The following MBNL1 variants were observed in gnomAD, a reference collection of about 807,000 sequenced individuals.
MBNL1 encodes muscleblind like splicing regulator 1.
MBNL1 carries 8 observed loss-of-function variants against 42.2 expected under a neutral mutation model. The ratio of observed to expected loss-of-function variants is 0.19; its 90% CI spans 0.11 to 0.34. MBNL1 has a LOEUF of 0.34. MBNL1 is among the 10% of genes least tolerant of loss of function. MBNL1 has a pLI of 1.00. For synonymous variants in MBNL1, 169 were observed against 173.9 expected, an observed-to-expected ratio of 0.97 and a Z score of 0.22; for missense variants, 309 against 495.3, an observed-to-expected ratio of 0.62 and a Z score of 3.57.
At chr3:152,356,856 A>AGAGTGTGTGTGT (rs1553865141) in intron 2 of MBNL1, among the ~76,000 whole-genome samples, 1 of 149,382 alleles carries the variant, frequency 6.7e-6, no homozygotes, top group Non-Finnish European at 1.5e-5. Flanking sequence ...ATATGTGTGT[A>AGAGTGTGTGTGT]GTGTGTGTGT....
chr3:152,372,427 C>T (rs540110022), intron 2 of MBNL1, among the ~76,000 whole-genome samples: 13 of 152,292 alleles, frequency 8.5e-5, no homozygotes, highest in African/African-American at 2.6e-4. Flanking sequence ...CCTCATCTCC[C>T]TGGATTTATC....
chr3:152,419,409 G>T (rs944931847), intron 3 of MBNL1, among the ~76,000 whole-genome samples: 3 of 152,132 alleles, frequency 2.0e-5, no homozygotes, highest in Admixed American at 2.0e-4. Context: ...TAGACAGTTG[G>T]TGCAGCCCAC....
chr3:152,297,344 G>GTTTTT (rs1201662855), intron 1 of MBNL1, among the ~76,000 whole-genome samples: 1 of 124,370 alleles, frequency 8.0e-6, no homozygotes, highest in Admixed American at 8.2e-5. Flanking sequence ...TGGGGATGAG[G>GTTTTT]TTTTTTTTTT....
At chr3:152,296,908 G>A (rs1341376253) in intron 1 of MBNL1, among the ~76,000 whole-genome samples, 3 of 152,114 alleles carry the variant, frequency 2.0e-5, no homozygotes, top group African/African-American at 7.2e-5. Context: ...TATTTTTTCT[G>A]TCCTTAAAAA....
intron 2 of MBNL1, among the ~76,000 whole-genome samples, chr3:152,376,215 C>A (rs947251560): frequency 5.9e-5 from 9 of 152,044 alleles, no homozygotes; most frequent in African/African-American, 9.7e-5. Flanking sequence ...GAAATAGTTT[C>A]TATTTATGAT....
intron 9 of MBNL1, among the ~76,000 whole-genome samples, chr3:152,459,691 G>A (rs542433761): frequency 3.9e-5 from 6 of 152,072 alleles, no homozygotes; most frequent in East Asian, 1.9e-4. Context: ...TGTGTGGGCC[G>A]TATCGTTTCT....
chr3:152,312,116 C>T (rs1412922876), intron 2 of MBNL1, among the ~76,000 whole-genome samples: 5 of 143,838 alleles, frequency 3.5e-5, no homozygotes, highest in Non-Finnish European at 7.5e-5. Context: ...GGCGTGAACC[C>T]GGGAGGCGGA....
At chr3:152,360,360 A>G (rs1424438511) in intron 2 of MBNL1, among the ~76,000 whole-genome samples, 7 of 152,174 alleles carry the variant, frequency 4.6e-5, no homozygotes, top group Non-Finnish European at 1.0e-4. Flanking sequence ...TACCCGTTTA[A>G]TAATTATCTT....
chr3:152,265,221 A>G (rs973712268), upstream of MBNL1: 3 of 152,220 alleles, frequency 2.0e-5, no homozygotes, highest in Non-Finnish European at 1.5e-5. Flanking sequence ...TCTTCTCTTG[A>G]CCATCTATAT....
intron 3 of MBNL1, among the ~76,000 whole-genome samples, chr3:152,429,822 C>G (rs1324844891): frequency 6.6e-6 from 1 of 151,858 alleles, no homozygotes; most frequent in Admixed American, 6.6e-5. Flanking sequence ...GTCTGTCTGT[C>G]TGTCTGTCTT....
intron 2 of MBNL1, among the ~76,000 whole-genome samples, chr3:152,327,163 A>G (rs1430715272): frequency 6.6e-6 from 1 of 151,938 alleles, no homozygotes; most frequent in East Asian, 1.9e-4. Flanking sequence ...TGTTTTGATA[A>G]CATTGTTCCT....
intron 2 of MBNL1, among the ~76,000 whole-genome samples, chr3:152,326,024 A>G (rs190128130): frequency 1.9e-4 from 29 of 152,290 alleles, no homozygotes; most frequent in Admixed American, 1.5e-3. Flanking sequence ...GAAGTCTCAG[A>G]CATCCTATCA....
At chr3:152,367,057 T>G (rs1578790597) in intron 2 of MBNL1, among the ~76,000 whole-genome samples, 1 of 152,102 alleles carries the variant, frequency 6.6e-6, no homozygotes, top group Non-Finnish European at 1.5e-5. Flanking sequence ...TAAAATTATA[T>G]TTTAAGTTCT....
intron 2 of MBNL1, among the ~76,000 whole-genome samples, chr3:152,256,032 A>G (rs1173396568): frequency 1.3e-5 from 2 of 152,180 alleles, no homozygotes; most frequent in East Asian, 1.9e-4. Flanking sequence ...GGAGTTGCAC[A>G]TATGAGCAAA....
intron 2 of MBNL1, among the ~76,000 whole-genome samples, chr3:152,412,823 T>G (rs542760437): frequency 1.3e-5 from 2 of 152,314 alleles, no homozygotes; most frequent in African/African-American, 4.8e-5. Flanking sequence ...ATCTATCTAC[T>G]ATTTACAGAA....
chr3:152,365,800 C>T (rs984099352), intron 2 of MBNL1, among the ~76,000 whole-genome samples: 3 of 152,000 alleles, frequency 2.0e-5, no homozygotes, highest in Non-Finnish European at 4.4e-5. Flanking sequence ...TCCAGAAATT[C>T]CAAGATAGCT....
chr3:152,287,151 C>T (rs943102357), intron 1 of MBNL1, among the ~76,000 whole-genome samples: 2 of 149,076 alleles, frequency 1.3e-5, no homozygotes, highest in Non-Finnish European at 3.0e-5. Context: ...CCAGGTGGAG[C>T]TTGCAGTGAG....
At chr3:152,287,731 A>G (rs1162888093) in intron 1 of MBNL1, among the ~76,000 whole-genome samples, 1 of 152,206 alleles carries the variant, frequency 6.6e-6, no homozygotes, top group Non-Finnish European at 1.5e-5. Flanking sequence ...TTAGCTAGCT[A>G]CGATTGCATT....
chr3:152,373,109 C>G (rs1004202365), intron 2 of MBNL1, among the ~76,000 whole-genome samples: 3 of 152,092 alleles, frequency 2.0e-5, no homozygotes, highest in Non-Finnish European at 2.9e-5. Context: ...GAGGGGAAAA[C>G]CACCTACTCA....
Sources: allele counts gnomAD v4.1 joint callset (sites outside exome capture counted in the v4.1 genomes callset), GRCh38; gene constraint gnomAD v4.1.1; transcripts MANE v1.5; gene names NCBI Gene and HGNC (gene_info 2026-07-23, HGNC 2026-07-21).